Variants in ERICH3 observed in about 807,000 individuals in gnomAD.
ERICH3 encodes glutamate rich 3.
In ERICH3, 126 loss-of-function variants were observed where a neutral mutation model predicts 131.1. That is an observed-to-expected ratio of 0.96 (90% CI 0.83 to 1.11). The LOEUF (loss-of-function observed/expected upper bound fraction) is 1.11. Ranked by LOEUF, ERICH3 falls within the 50% of genes most tolerant of loss-of-function variation. The pLI, the probability that ERICH3 is intolerant of heterozygous loss-of-function variation, is 0.00. For missense variants in ERICH3, 2,050 were observed against 1,810.7 expected (o/e 1.13, Z -2.40); for synonymous variants, 695 against 644.6 (o/e 1.08, Z -1.18).
chr1:74,620,520 A>G (rs1024378510), intron 8 of ERICH3, among the ~76,000 whole-genome samples: 2 of 152,166 alleles, frequency 1.3e-5, no homozygotes, highest in Admixed American at 6.5e-5. Flanking sequence ...AAATCACTCC[A>G]AATCCTTTCT....
intron 11 of ERICH3, among the ~76,000 whole-genome samples, chr1:74,598,987 G>A (rs769886575): frequency 4.6e-5 from 7 of 151,676 alleles, no homozygotes; most frequent in South Asian, 2.1e-4. Context: ...ATTCATACAC[G>A]TATTGACTTT....
At chr1:74,663,614 A>G (rs1221008120) in intron 1 of ERICH3, among the ~76,000 whole-genome samples, 1 of 134,322 alleles carries the variant, frequency 7.4e-6, no homozygotes, top group Non-Finnish European at 1.6e-5. Flanking sequence ...GTCCTTCCTG[A>G]TTTTTGTTAA....
chr1:74,570,074 A>C lies in ERICH3; in HGVS notation c.*384T>G, dbSNP rs1646918184. The C allele has an allele frequency of 6.6e-6, 1 of 152,216 alleles. No individual in the cohort carries two copies. The highest frequency in any genetic ancestry group is 2.4e-5 in the African/African-American group (1 of 41,448). The allele number at this position is 152,216 out of a possible 1,614,324, so 9.4% of individuals were successfully genotyped here. On this transcript the variant is annotated 3_prime_UTR_variant, in exon 15 of 15. Transcript: ENST00000326665. ...GAATTGACTGGGGCTCTGTATTGTA[A>C]AATAAAAAGGACTTTAAACAAACCC...
chr1:74,594,273 C>CGTGTGTGT (rs10655150), intron 11 of ERICH3, among the ~76,000 whole-genome samples: 1,567 of 144,868 alleles, frequency 0.011, 22 homozygotes, highest in African/African-American at 0.037. Flanking sequence ...AAAAATGGGG[C>CGTGTGTGT]GTGTGTGTGT....
rs955109720 is a variant in ERICH3, at chr1:74,568,873, G to A, written c.*1585C>T. The A allele has an allele frequency of 2.6e-5, 4 of 152,114 alleles. No homozygotes were observed. The highest frequency in any genetic ancestry group is 7.2e-5 in the African/African-American group (3 of 41,420). The allele number at this position is 152,114 out of a possible 1,614,324, so 9.4% of individuals were successfully genotyped here. A position where few individuals can be genotyped will look rare whatever the true frequency, so the allele number is the denominator to read the frequency against. ...AGTGTACATCAGTATTAACTGCAGG[G>A]CTTGTTAAGCTATGGATTACTGGAA... is the stretch of plus-strand genomic sequence containing the variant. On this transcript the variant is annotated 3_prime_UTR_variant, in exon 15 of 15. Coordinates refer to ENST00000326665, the MANE Select transcript of ERICH3 (RefSeq NM_001002912.5).
chr1:74,634,661 T>C (rs1215013050), intron 6 of ERICH3: 2 of 714,666 alleles, frequency 2.8e-6, no homozygotes, highest in African/African-American at 3.5e-5. Context: ...AATAATATAA[T>C]CACCTTGGCA....
At chr1:74,634,993 T>C (rs1646375649) in intron 6 of ERICH3, 1 of 307,694 alleles carries the variant, frequency 3.2e-6, no homozygotes, top group Admixed American at 5.0e-5. Context: ...ACTTCTTCTA[T>C]AAGCCTTGAC....
intron 7 of ERICH3, chr1:74,621,519 C>T (rs1177112259): frequency 6.6e-6 from 1 of 152,094 alleles, no homozygotes; most frequent in Non-Finnish European, 1.5e-5. Context: ...TGGGACTATC[C>T]AGTTTCACAG....
At chr1:74,603,979 G>T (rs1648268690) in intron 10 of ERICH3, among the ~76,000 whole-genome samples, 3 of 151,824 alleles carry the variant, frequency 2.0e-5, no homozygotes, top group Non-Finnish European at 4.4e-5. Context: ...CTTTCACGAA[G>T]ATTTATCTGT....
chr1:74,630,664 T>C (rs1240703279), intron 7 of ERICH3, among the ~76,000 whole-genome samples: 2 of 152,024 alleles, frequency 1.3e-5, no homozygotes, highest in Admixed American at 6.6e-5. Flanking sequence ...GGTTGCAGCA[T>C]GTGAGGAAAT....
intron 8 of ERICH3, among the ~76,000 whole-genome samples, chr1:74,620,314 T>G (rs1649158625): frequency 6.6e-6 from 1 of 152,196 alleles, no homozygotes; most frequent in East Asian, 1.9e-4. Flanking sequence ...ACCCTGCAGT[T>G]TATTGGATTT....
At position 74,587,011 on chromosome 1, in the gene ERICH3, C is replaced by T. The variant is rs189298023; in HGVS notation, c.2176+2620G>A. 7.3e-4 allele frequency among the ~76,000 whole-genome samples: 111 copies of T among 152,090 alleles called. 1 individual carries two copies. Among genetic ancestry groups the T allele is most frequent in the East Asian group, 3.9e-4 (2 of 5,164 alleles). On this transcript the variant is annotated intron_variant, in intron 12 of 14. Transcript: ENST00000326665. ...TATTTGTTAATAAAAAATTAATAAT[C>T]GCACATATATTACGGCTTAACAAAG...
rs1312350211 is a variant in ERICH3, at chr1:74,579,977, TC to T, written c.2177-3042del. ...GGTATTTTTTTAAATATCAAAATAT[TC>T]TTATTTTACAATGTCAGCTTTTTAG... On this transcript the variant is annotated intron_variant, in intron 12 of 14. Transcript: ENST00000326665. 1.3e-5 allele frequency: 10 copies of T among 767,280 alleles called. No homozygotes were observed. In the Admixed American group the frequency reaches 3.8e-4, roughly 29 times the overall value. 47.5% of individuals were successfully genotyped at this position (767,280 alleles called of 1,614,324 possible).
At chr1:74,617,270 TA>T (rs1649013032) in intron 8 of ERICH3, among the ~76,000 whole-genome samples, 1 of 149,910 alleles carries the variant, frequency 6.7e-6, no homozygotes, top group African/African-American at 2.4e-5. Context: ...AAATAGCACC[TA>T]AATATGTAGT....
rs1311887005 is a variant in ERICH3 at position 74,568,403 on chromosome 1, C to T, written c.*2055G>A. 6.6e-6 allele frequency: 1 copy of T among 152,040 alleles called. No homozygotes were observed. The highest frequency in any genetic ancestry group is 6.6e-5 in the Admixed American group (1 of 15,266). The allele number at this position is 152,040 out of a possible 1,614,324, so 9.4% of individuals were successfully genotyped here. A position where few individuals can be genotyped will look rare whatever the true frequency, so the allele number is the denominator to read the frequency against. ...GGGATTAATACATTTACTATCTTTC[C>T]TATAAGGTGTGATGTATTCAAAGTG... On this transcript the variant is annotated 3_prime_UTR_variant, in exon 15 of 15. Transcript: ENST00000326665.
intron 8 of ERICH3, among the ~76,000 whole-genome samples, chr1:74,620,019 C>A (rs1649146623): frequency 6.6e-6 from 1 of 152,172 alleles, no homozygotes; most frequent in African/African-American, 2.4e-5. Flanking sequence ...CCAAGATTAT[C>A]CAAATACGTA....
At chr1:74,635,158 G>A (rs1366521998) in intron 6 of ERICH3, among the ~76,000 whole-genome samples, 4 of 152,006 alleles carry the variant, frequency 2.6e-5, no homozygotes, top group Non-Finnish European at 4.4e-5. Context: ...GCTAAAACAG[G>A]AAATCTCTGG....
chr1:74,651,234 A>C (rs1646531338), intron 1 of ERICH3, among the ~76,000 whole-genome samples: 1 of 152,106 alleles, frequency 6.6e-6, no homozygotes, highest in South Asian at 2.1e-4. Context: ...TTAACAGCCC[A>C]TCGCAGGAAA....
intron 1 of ERICH3, among the ~76,000 whole-genome samples, chr1:74,669,371 A>T (rs1263970993): frequency 6.6e-6 from 1 of 152,138 alleles, no homozygotes; most frequent in Non-Finnish European, 1.5e-5. Context: ...AAATTTACAG[A>T]TGAGTGCAAC....
Sources: gnomAD v4.1 joint callset for allele counts (sites outside exome capture counted in the v4.1 genomes callset) on GRCh38, gnomAD v4.1.1 for gene constraint, MANE v1.5 for transcripts, NCBI Gene and HGNC (gene_info 2026-07-23, HGNC 2026-07-21) for gene names.